Variants in PARD3 observed in about 807,000 individuals in gnomAD.
The protein encoded by PARD3 is par-3 family cell polarity regulator, also known as partitioning defective 3 homolog.
PARD3 carries 75 observed loss-of-function variants against 155.4 expected under a neutral mutation model. That is an observed-to-expected ratio of 0.48 (90% CI 0.40 to 0.58). The LOEUF (loss-of-function observed/expected upper bound fraction) is 0.58, where lower values mean the gene tolerates loss of function less well. Ranked by LOEUF, PARD3 falls within the 20% of genes least tolerant of loss-of-function variation. The probability of loss-of-function intolerance (pLI) is 0.00; values close to 1 mark genes in which losing one functional copy is unlikely to be tolerated. For synonymous variants in PARD3, 576 were observed against 610.5 expected, an observed-to-expected ratio of 0.94 and a Z score of 0.83; for missense variants, 1,642 against 1,721.7, an observed-to-expected ratio of 0.95 and a Z score of 0.82.
chr10:34,603,537 T>C (rs998894465), intron 2 of PARD3, among the ~76,000 whole-genome samples: 2 of 152,210 alleles, frequency 1.3e-5, no homozygotes, highest in Admixed American at 6.5e-5. Context: ...GAACATTTCA[T>C]CTTTTGTTTG....
chr10:34,465,460 T>C (rs1274381264), intron 4 of PARD3, among the ~76,000 whole-genome samples: 1 of 152,204 alleles, frequency 6.6e-6, no homozygotes, highest in Non-Finnish European at 1.5e-5. Flanking sequence ...AAGCATCTCT[T>C]ACAAGTGGTT....
At chr10:34,365,291 T>A (rs1839851815) in intron 12 of PARD3, among the ~76,000 whole-genome samples, 1 of 152,258 alleles carries the variant, frequency 6.6e-6, no homozygotes, top group Non-Finnish European at 1.5e-5. Context: ...CACAATGGAA[T>A]GCCATTCAGC....
intron 1 of PARD3, among the ~76,000 whole-genome samples, chr10:34,697,585 G>A (rs938201553): frequency 1.3e-5 from 2 of 152,134 alleles, no homozygotes; most frequent in Non-Finnish European, 2.9e-5. Context: ...AATGCAGAAT[G>A]ACCAATCCTT....
chr10:34,608,116 ATGTGTCAAGCCT>A (rs1439943856), intron 2 of PARD3, among the ~76,000 whole-genome samples: 2 of 152,118 alleles, frequency 1.3e-5, no homozygotes, highest in Non-Finnish European at 2.9e-5. Flanking sequence ...ACATACTGAC[ATGTGTCAAGCCT>A]CTCAATGCTG....
chr10:34,778,374 G>C (rs910210177), intron 1 of PARD3, among the ~76,000 whole-genome samples: 16 of 152,300 alleles, frequency 1.1e-4, no homozygotes, highest in African/African-American at 3.8e-4. Context: ...CAAGTAGTTG[G>C]CAATTTCACT....
At chr10:34,568,140 A>G (rs563976467) in intron 2 of PARD3, among the ~76,000 whole-genome samples, 41 of 152,326 alleles carry the variant, frequency 2.7e-4, no homozygotes, top group African/African-American at 8.4e-4. Flanking sequence ...TGTTATCCAC[A>G]GTTCTTAGTG....
At chr10:34,310,290 G>A (rs577855616) in intron 20 of PARD3, among the ~76,000 whole-genome samples, 2 of 152,246 alleles carry the variant, frequency 1.3e-5, no homozygotes, top group Middle Eastern at 6.8e-3. Context: ...TTTTTCAATG[G>A]TGCGATAGTA....
intron 2 of PARD3, among the ~76,000 whole-genome samples, chr10:34,693,573 G>A (rs561279323): frequency 6.6e-6 from 1 of 152,332 alleles, no homozygotes; most frequent in South Asian, 2.1e-4. Context: ...CCTACTTGAA[G>A]AGGGAGAGGA....
intron 2 of PARD3, among the ~76,000 whole-genome samples, chr10:34,517,984 T>G (rs922053049): frequency 1.3e-5 from 2 of 152,182 alleles, no homozygotes; most frequent in Non-Finnish European, 2.9e-5. Flanking sequence ...GTTCAAGTGA[T>G]TCTCCTGCCT....
intron 12 of PARD3, among the ~76,000 whole-genome samples, chr10:34,372,261 G>T (rs1840755635): frequency 6.6e-6 from 1 of 152,014 alleles, no homozygotes; most frequent in Non-Finnish European, 1.5e-5. Context: ...AAGTGAATAG[G>T]AAGTCTCTCT....
At chr10:34,231,743 T>C (rs1564503414) in intron 22 of PARD3, among the ~76,000 whole-genome samples, 2 of 152,026 alleles carry the variant, frequency 1.3e-5, no homozygotes, top group Non-Finnish European at 1.5e-5. Flanking sequence ...ATGCCGACTA[T>C]TGGCAAGGAA....
Position 34,666,805 on chromosome 10 carries a change from A to ATATATATATATATG in PARD3, c.222+29512_222+29513insCATATATATATATA, listed in dbSNP as rs1554804648. Among the ~76,000 whole-genome samples the ATATATATATATATG allele has an allele frequency of 2.6e-3, 260 of 101,396 alleles. 5 individuals are homozygous for ATATATATATATATG. Among genetic ancestry groups the ATATATATATATATG allele is most frequent in the African/African-American group, 0.012 (249 of 20,790 alleles). 66.5% of individuals were successfully genotyped at this position (101,396 alleles called of 152,430 possible). ...AAAAAAAAAAAAAAAAAATATATAT[A>ATATATATATATATG]TATATATATATACACACACACACAC... On this transcript the variant is annotated intron_variant, in intron 2 of 24. Transcript: ENST00000374788.
chr10:34,442,283 A>G (rs1282141846), intron 5 of PARD3, among the ~76,000 whole-genome samples: 1 of 152,220 alleles, frequency 6.6e-6, no homozygotes, highest in Non-Finnish European at 1.5e-5. Flanking sequence ...TCTATCCTTA[A>G]GTCTCACCAA....
chr10:34,576,340 A>AATG (rs2086887501), intron 2 of PARD3, among the ~76,000 whole-genome samples: 1 of 152,134 alleles, frequency 6.6e-6, no homozygotes, highest in Non-Finnish European at 1.5e-5. Context: ...TTGCTTGTGC[A>AATG]TTCTCTCATC....
intron 3 of PARD3, among the ~76,000 whole-genome samples, chr10:34,486,388 G>T (rs984789946): frequency 2.6e-5 from 4 of 152,100 alleles, no homozygotes; most frequent in African/African-American, 9.7e-5. Flanking sequence ...TTTATTTTTT[G>T]TTTACAGTCT....
chr10:34,695,647 T>C lies in PARD3; in HGVS notation c.222+671A>G, dbSNP rs934392516. Among the ~76,000 whole-genome samples, 10 of 151,876 alleles carry C rather than the reference T, an allele frequency of 6.6e-5. No individual in the cohort carries two copies. In the East Asian group the frequency reaches 1.5e-3, roughly 23 times the overall value. On this transcript the variant is annotated intron_variant, in intron 2 of 24. Transcript: ENST00000374788. ...AGTGGGAGGGAACACTGAAGAGCAG[T>C]AGGTGGATAGGTCCAGGAGCCAAAC...
In PARD3 at chr10:34,368,798, G is replaced by A. The variant is rs116564053; in HGVS notation, c.1707+3700C>T. Among the ~76,000 whole-genome samples, 1,281 of 143,742 alleles carry A rather than the reference G, an allele frequency of 8.9e-3. 19 individuals carry two copies. The highest frequency in any genetic ancestry group is 0.031 in the African/African-American group (1,194 of 38,670). 94.3% of individuals were successfully genotyped at this position (143,742 alleles called of 152,430 possible). On this transcript the variant is annotated intron_variant, in intron 12 of 24. Transcript: ENST00000374788. Reference sequence around the variant, plus strand: ...TTAATGGAAATCAATGGTACTAAACGCGTGTTCTAGGAAAGCCTATGTATC... The same window carrying A: ...TTAATGGAAATCAATGGTACTAAACACGTGTTCTAGGAAAGCCTATGTATC...
intron 2 of PARD3, among the ~76,000 whole-genome samples, chr10:34,568,811 C>G (rs1167119260): frequency 1.3e-5 from 2 of 152,162 alleles, no homozygotes; most frequent in African/African-American, 4.8e-5. Context: ...AAAAGATGCA[C>G]TCAAATGTTA....
chr10:34,512,317 T>C (rs2081447317), intron 3 of PARD3, among the ~76,000 whole-genome samples: 1 of 152,252 alleles, frequency 6.6e-6, no homozygotes, highest in African/African-American at 2.4e-5. Flanking sequence ...AGCCTTCTCC[T>C]TGCTTGCTGG....
Sources: allele counts gnomAD v4.1 joint callset (sites outside exome capture counted in the v4.1 genomes callset), GRCh38; gene constraint gnomAD v4.1.1; transcripts MANE v1.5; gene names NCBI Gene and HGNC (gene_info 2026-07-23, HGNC 2026-07-21).